The following CEP295 variants were observed in gnomAD, a reference collection of about 807,000 sequenced individuals.
The protein encoded by CEP295 is centrosomal protein of 295 kDa.
In CEP295, 190 loss-of-function variants were observed where a neutral mutation model predicts 291.6. The observed-to-expected ratio is 0.65, with a 90% CI of 0.58 to 0.73. The LOEUF (loss-of-function observed/expected upper bound fraction) is 0.73. CEP295 is among the 30% of genes least tolerant of loss of function. The pLI, the probability that CEP295 is intolerant of heterozygous loss-of-function variation, is 0.00. For synonymous variants in CEP295, 993 were observed against 1,038.8 expected, an observed-to-expected ratio of 0.96 and a Z score of 0.85; for missense variants, 2,863 against 2,949.4, an observed-to-expected ratio of 0.97 and a Z score of 0.68.
rs569843670 is a variant in CEP295, at chr11:93,697,624, A to C, written c.2712A>C (p.Lys904Asn). 3 of 1,551,912 alleles carry C rather than the reference A, an allele frequency of 1.9e-6. No homozygotes were observed. Residue 904 changes from lysine (K) to asparagine (N), a missense_variant, in exon 15 of 30, where the codon AAA becomes AAC. This residue lies in a region of CEP295 where 2,295 missense variants were observed against 2,335.7 expected (regional missense o/e 0.98). Coordinates refer to ENST00000325212, the MANE Select transcript of CEP295 (RefSeq NM_033395.2). ...CATCTGCTTTATTGCCTTCTGCCAA[A>C]GCAGATTTGGGGAGAATCCAGGAAT... ...PDSSALLPSA[K>N]ADLGRIQESS...
chr11:93,725,042 G>T (rs1954038650), intron 22 of CEP295, among the ~76,000 whole-genome samples: 1 of 152,020 alleles, frequency 6.6e-6, no homozygotes, highest in Non-Finnish European at 1.5e-5. Context: ...ATTGCTTGAG[G>T]CCAGGAGTTT....
intron 10 of CEP295, among the ~76,000 whole-genome samples, chr11:93,690,560 CAAAA>C (rs756087606): frequency 1.1e-4 from 6 of 53,170 alleles, no homozygotes; most frequent in South Asian, 1.2e-3. Flanking sequence ...CTCTGTCTCA[CAAAA>C]AAAAAAAAAA....
chr11:93,709,102 T>C (rs764583078), intron 18 of CEP295, among the ~76,000 whole-genome samples: 37 of 152,202 alleles, frequency 2.4e-4, no homozygotes, highest in Non-Finnish European at 4.4e-4. Context: ...GGTTGTCTCT[T>C]CACTTTATTG....
At chr11:93,708,486 G>C (rs1174963105) in intron 18 of CEP295, among the ~76,000 whole-genome samples, 1 of 152,054 alleles carries the variant, frequency 6.6e-6, no homozygotes, top group Non-Finnish European at 1.5e-5. Flanking sequence ...ACATGATTTT[G>C]TTCCTTTTTA....
intron 17 of CEP295, 53 bp downstream of exon 17, chr11:93,702,972 A>G (rs1308326280): frequency 6.9e-7 from 1 of 1,458,434 alleles, no homozygotes; most frequent in African/African-American, 1.4e-5. Context: ...CCAGTTTTCT[A>G]CTTTTTTTTT....
chr11:93,724,271 C>A lies in CEP295; in HGVS notation c.6214C>A (p.Pro2072Thr). ...CTTTCCAGAATTGGAACACATTTTTCCTAATTTGCATCATCAGCTGTTTAA... is the reference window on the plus strand; with the variant it reads ...CTTTCCAGAATTGGAACACATTTTTACTAATTTGCATCATCAGCTGTTTAA... ...TDLQELEHIF[P>T]NLHHQLFKPL... Residue 2072 changes from proline to threonine, a missense_variant, in exon 22 of 30, where the codon CCT becomes ACT. This residue lies in a region of CEP295 where 2,295 missense variants were observed against 2,335.7 expected (regional missense o/e 0.98). Coordinates refer to ENST00000325212, the MANE Select transcript of CEP295 (RefSeq NM_033395.2). 1 of 1,548,178 alleles carries A rather than the reference C, an allele frequency of 6.5e-7. No individual in the cohort carries two copies. Among genetic ancestry groups the A allele is most frequent in the South Asian group, 1.2e-5 (1 of 82,866 alleles).
chr11:93,715,739 A>G (rs1283177075), intron 18 of CEP295, among the ~76,000 whole-genome samples: 1 of 152,088 alleles, frequency 6.6e-6, no homozygotes, highest in Admixed American at 6.5e-5. Context: ...TGAAGGCAGC[A>G]GGTTCTCTTC....
chr11:93,685,764 G>A (rs1951201393), intron 9 of CEP295, among the ~76,000 whole-genome samples: 1 of 152,184 alleles, frequency 6.6e-6, no homozygotes, highest in Non-Finnish European at 1.5e-5. Flanking sequence ...AGGCTGGAGT[G>A]CAGTGGCACG....
intron 7 of CEP295, 66 bp downstream of exon 7, chr11:93,679,618 A>G: frequency 1.5e-6 from 2 of 1,331,974 alleles, no homozygotes; most frequent in Non-Finnish European, 2.0e-6. Flanking sequence ...AGGACTGATT[A>G]GTGAATGAGC....
At chr11:93,690,137 C>T (rs927788895) in intron 10 of CEP295, among the ~76,000 whole-genome samples, 25 of 152,176 alleles carry the variant, frequency 1.6e-4, no homozygotes, top group African/African-American at 5.1e-4. Context: ...CCTGGCTGGG[C>T]GCAGTGGCTC....
intron 22 of CEP295, among the ~76,000 whole-genome samples, chr11:93,725,213 C>T (rs546017841): frequency 1.8e-3 from 278 of 151,644 alleles, no homozygotes; most frequent in Non-Finnish European, 3.4e-3. Flanking sequence ...TGCCACTGCA[C>T]TCCAGCCTGG....
At position 93,699,952 on chromosome 11, in the gene CEP295, C is replaced by G. The variant is rs556466157; in HGVS notation, c.5040C>G (p.Ala1680=). Reference sequence around the variant, plus strand: ...ATTCATCCCAGAATGAACATGCAGCCCCCCCAAGTAATCCTGTGATCCCAG... The same window carrying G: ...ATTCATCCCAGAATGAACATGCAGCGCCCCCAAGTAATCCTGTGATCCCAG... ...ELYSSQNEHA[A]PPSNPVIPGF... is the part of the protein sequence containing the mutation. The change falls in exon 15 of 30, where the codon GCC becomes GCG. Residue 1680 remains alanine, a synonymous_variant. Transcript: ENST00000325212. The G allele has an allele frequency of 3.9e-6, 6 of 1,551,626 alleles. No homozygotes were observed. Among genetic ancestry groups the G allele is most frequent in the East Asian group, 2.4e-5 (1 of 40,906 alleles).
chr11:93,689,989 C>G (rs1037622279), intron 10 of CEP295, among the ~76,000 whole-genome samples: 4 of 152,150 alleles, frequency 2.6e-5, no homozygotes, highest in African/African-American at 7.2e-5. Context: ...ATTCCAACAT[C>G]TAGAAGATGG....
chr11:93,665,282 A>G (rs978208252), intron 1 of CEP295, among the ~76,000 whole-genome samples: 1 of 152,240 alleles, frequency 6.6e-6, no homozygotes, highest in Non-Finnish European at 1.5e-5. Context: ...GAATTACCTG[A>G]GGAGGGTATT....
rs1439242229 is a variant in CEP295 at position 93,703,001 on chromosome 11, T to G, written c.5596+82T>G. On this transcript the variant is annotated intron_variant, in intron 17 of 29. Coordinates refer to ENST00000325212, the MANE Select transcript of CEP295 (RefSeq NM_033395.2). ...TTTTTTTAGATGGAGCCTTGCTCTG[T>G]TGCCCAGGCTGGAATGCAATGGTGT... The G allele has an allele frequency of 4.3e-6, 5 of 1,157,820 alleles. No homozygotes were observed. In the East Asian group the frequency reaches 1.3e-4, roughly 30 times the overall value. 71.7% of individuals were successfully genotyped at this position (1,157,820 alleles called of 1,614,324 possible).
rs1407220164 is a variant in CEP295 at position 93,719,950 on chromosome 11, T to C, written c.5750-1362T>C. Among the ~76,000 whole-genome samples, 4 of 152,188 alleles carry C rather than the reference T, an allele frequency of 2.6e-5. No homozygotes were observed. In the East Asian group the frequency reaches 5.8e-4, roughly 22 times the overall value. On this transcript the variant is annotated intron_variant, in intron 18 of 29. Coordinates refer to ENST00000325212, the MANE Select transcript of CEP295 (RefSeq NM_033395.2). ...AGGAAAATAAGCTCAGAATACATGA[T>C]TGTTAATATGAGACACAAAGTATAA...
In CEP295 at chr11:93,699,991, A is replaced by C; in HGVS notation, c.5079A>C (p.Arg1693Ser). 6.4e-7 allele frequency: 1 copy of C among 1,551,678 alleles called. No homozygotes were observed. Among genetic ancestry groups the C allele is most frequent in the Non-Finnish European group, 8.7e-7 (1 of 1,146,990 alleles). The change falls in exon 15 of 30, where the codon AGA becomes AGC. Residue 1693 changes from arginine (R) to serine (S), a missense_variant. This residue lies in a region of CEP295 where 2,295 missense variants were observed against 2,335.7 expected (regional missense o/e 0.98). Coordinates refer to ENST00000325212, the MANE Select transcript of CEP295 (RefSeq NM_033395.2). ...CTGTGATCCCAGGGTTTCAAGATAG[A>C]CTTTTGAGTTTTTCACAGTCTGTCT... ...SNPVIPGFQD[R>S]LLSFSQSVLT... is the part of the protein sequence containing the mutation.
intron 20 of CEP295, 124 bp from the exon 21 acceptor site, chr11:93,722,917 G>C: frequency 1.5e-6 from 1 of 683,132 alleles, no homozygotes; most frequent in Non-Finnish European, 2.4e-6. Context: ...CACCATGTTG[G>C]CGAGATGGTC....
chr11:93,698,020 C>G lies in CEP295; in HGVS notation c.3108C>G (p.Ile1036Met). The G allele has an allele frequency of 6.4e-7, 1 of 1,551,774 alleles. No individual in the cohort carries two copies. The highest frequency in any genetic ancestry group is 2.4e-5 in the East Asian group (1 of 40,924). Residue 1036 changes from isoleucine to methionine, a missense_variant, in exon 15 of 30, where the codon ATC (isoleucine) becomes ATG (methionine). Physicochemically the swap from Ile to Met is conservative, Grantham distance 10. This residue lies in a region of CEP295 where 2,295 missense variants were observed against 2,335.7 expected (regional missense o/e 0.98). Coordinates refer to ENST00000325212, the MANE Select transcript of CEP295 (RefSeq NM_033395.2). ...GACTTGTTTCATGCCAATCTGACAT[C>G]CCCATATCTCAGGATGGGTCTTTGA... The part of the protein sequence containing the change: ...EKGLVSCQSD[I>M]PISQDGSLSF...
Sources: gnomAD v4.1 joint callset for allele counts (sites outside exome capture counted in the v4.1 genomes callset) on GRCh38, gnomAD v4.1.1 for gene constraint, gnomAD v4.1.1 regional missense constraint, MANE v1.5 for transcripts, NCBI Gene and HGNC (gene_info 2026-07-23, HGNC 2026-07-21) for gene names.